Variants in RDM1 observed in about 807,000 individuals in gnomAD.
The protein encoded by RDM1 is RAD52 motif containing 1.
In RDM1, 28 loss-of-function variants were observed where a neutral mutation model predicts 27.7. The observed-to-expected ratio is 1.01, with a 90% CI of 0.75 to 1.39. The LOEUF (loss-of-function observed/expected upper bound fraction) is 1.39. RDM1 is among the 40% of genes most tolerant of loss of function. RDM1 has a pLI of 0.00. For synonymous variants in RDM1, 124 were observed against 127.5 expected, an observed-to-expected ratio of 0.97 and a Z score of 0.19; for missense variants, 277 against 337.3, an observed-to-expected ratio of 0.82 and a Z score of 1.40.
chr17:35,922,800 C>A (rs1323216774), intron 4 of RDM1, 125 bp from the exon 5 acceptor site: 1 of 712,670 alleles, frequency 1.4e-6, no homozygotes, highest in South Asian at 2.1e-5. Flanking sequence ...GCAGATGGCA[C>A]AAGCGTATGG....
At position 35,930,122 on chromosome 17, in the gene RDM1, T is replaced by A. The variant is rs145406900; in HGVS notation, c.230A>T (p.Gln77Leu). Residue 77 changes from glutamine (Q) to leucine (L), a missense_variant, in exon 2 of 7, where the codon CAA becomes CTA. Gln to Leu is a moderately radical substitution (Grantham distance 113). Coordinates refer to ENST00000620284, the MANE Select transcript of RDM1 (RefSeq NM_145654.4). ...AAGCTGCTTCCGGTCGCATGCCTTT[T>A]GGGCTCTGTGGGCAGCCCTTGCAGA... ...FYSARAAHRA[Q>L]KACDRKQLFQ... The A allele has an allele frequency of 9.3e-5, 150 of 1,614,220 alleles. No individual in the cohort carries two copies. In the African/African-American group the frequency reaches 1.8e-3, roughly 19 times the overall value.
chr17:35,929,162 G>T (rs2089245256), intron 2 of RDM1, among the ~76,000 whole-genome samples: 1 of 152,074 alleles, frequency 6.6e-6, no homozygotes, highest in Non-Finnish European at 1.5e-5. Context: ...ACTGCTTGAG[G>T]CCAGGATTTA....
chr17:35,930,758 C>T lies in RDM1; in HGVS notation c.-31G>A, dbSNP rs752069573. The stretch of plus-strand genomic sequence containing the variant: ...CTTCACCGCACCTGCGCGGCTAACC[C>T]TCGCCCCAGCATTGCGCCTGCGCAA... On this transcript the variant is annotated 5_prime_UTR_variant, in exon 1 of 7. Transcript: ENST00000620284. 1.2e-6 allele frequency: 2 copies of T among 1,605,494 alleles called. No individual in the cohort carries two copies. Among genetic ancestry groups the T allele is most frequent in the South Asian group, 1.1e-5 (1 of 90,700 alleles).
Position 35,925,559 on chromosome 17 carries a change from TCGC to T in RDM1, c.352_354del (p.Ala118del). ...CACCCATTGAAACCAAAGTAGTAAT[TCGC>T]CAGTTCTTGGCATTTGGAACTGTTC... On this transcript the variant is annotated inframe_deletion, in exon 3 of 7. Coordinates refer to ENST00000620284, the MANE Select transcript of RDM1 (RefSeq NM_145654.4). 6.2e-7 allele frequency: 1 copy of T among 1,614,066 alleles called. No individual in the cohort carries two copies. Among genetic ancestry groups the T allele is most frequent in the Non-Finnish European group, 8.5e-7 (1 of 1,180,024 alleles).
At chr17:35,922,370 G>T in intron 5 of RDM1, 1 of 593,154 alleles carries the variant, frequency 1.7e-6, no homozygotes. Flanking sequence ...TTTCACATCT[G>T]TAAACTGGGG....
Position 35,930,185 on chromosome 17 carries a change from A to G in RDM1, c.167T>C (p.Val56Ala). 6.2e-7 allele frequency: 1 copy of G among 1,614,202 alleles called. No homozygotes were observed. The highest frequency in any genetic ancestry group is 8.5e-7 in the Non-Finnish European group (1 of 1,180,034). Residue 56 changes from valine to alanine, a missense_variant, in exon 2 of 7, where the codon GTG becomes GCG. By Grantham distance (64) the Val-to-Ala change is moderately conservative (BLOSUM62 0). Coordinates refer to ENST00000620284, the MANE Select transcript of RDM1 (RefSeq NM_145654.4). ...YSVRVFPNAA[V>A]AHPGFYAVIK... is the part of the protein sequence containing the mutation. ...GACGGCATAGAAACCAGGATGGGCC[A>G]CTGCAGCATTTGGGAAGACCCGGAC... is the stretch of plus-strand genomic sequence containing the variant.
intron 3 of RDM1, among the ~76,000 whole-genome samples, chr17:35,925,126 C>T (rs2141941653): frequency 6.6e-6 from 1 of 152,162 alleles, no homozygotes. Context: ...CAGCGAGCCT[C>T]TGTCTCAAAA....
intron 2 of RDM1, among the ~76,000 whole-genome samples, chr17:35,926,130 C>CA (rs200784841): frequency 0.019 from 1,977 of 103,970 alleles, 69 homozygotes; most frequent in East Asian, 0.17. Context: ...GAGACTGTCT[C>CA]AAAAAAAAAA....
At chr17:35,926,947 G>C (rs889455300) in intron 2 of RDM1, among the ~76,000 whole-genome samples, 1 of 151,940 alleles carries the variant, frequency 6.6e-6, no homozygotes, top group South Asian at 2.1e-4. Flanking sequence ...AAGAAATAAA[G>C]ACCAGTTTTT....
At chr17:35,925,266 C>G (rs142165092) in intron 3 of RDM1, among the ~76,000 whole-genome samples, 62 of 152,304 alleles carry the variant, frequency 4.1e-4, no homozygotes, top group Middle Eastern at 3.4e-3. Flanking sequence ...AAATGAATTG[C>G]TAGATAGAGA....
Position 35,930,239 on chromosome 17 carries a change from G to A in RDM1, c.113C>T (p.Ala38Val). 2 of 1,614,168 alleles carry A rather than the reference G, an allele frequency of 1.2e-6. No individual in the cohort carries two copies. Among genetic ancestry groups the A allele is most frequent in the African/African-American group, 1.3e-5 (1 of 75,048 alleles). The change falls in exon 2 of 7, where the codon GCA becomes GTA. Residue 38 changes from alanine (A) to valine (V), a missense_variant. Transcript: ENST00000620284. The part of the protein sequence containing the change: ...AEALHHSLFT[A>V]FSQFGLLYSV... ...ATACAGAAGGCCAAACTGAGAAAAT[G>A]CTGTGAACAGAGAATGCTGTGGGGG...
At chr17:35,918,556 A>G (rs2088824524) in intron 6 of RDM1, 113 bp from the exon 7 acceptor site, 2 of 843,658 alleles carry the variant, frequency 2.4e-6, no homozygotes, top group Non-Finnish European at 3.9e-6. Context: ...ATGTTTGATA[A>G]TTCACCACTC....
At chr17:35,926,135 A>G (rs1425695660) in intron 2 of RDM1, among the ~76,000 whole-genome samples, 1 of 151,782 alleles carries the variant, frequency 6.6e-6, no homozygotes, top group Non-Finnish European at 1.5e-5. Flanking sequence ...TGTCTCAAAA[A>G]AAAAAAAAAA....
chr17:35,923,920 T>A (rs1253916351), intron 4 of RDM1, among the ~76,000 whole-genome samples: 1 of 151,792 alleles, frequency 6.6e-6, no homozygotes, highest in Non-Finnish European at 1.5e-5. Flanking sequence ...TTTATGTAAA[T>A]CTTTAGATGA....
chr17:35,929,072 C>T (rs1213456911), intron 2 of RDM1, among the ~76,000 whole-genome samples: 1 of 151,626 alleles, frequency 6.6e-6, no homozygotes, highest in Non-Finnish European at 1.5e-5. Context: ...GAGACTCCAT[C>T]TCAAAAAATA....
At chr17:35,924,501 G>T in intron 4 of RDM1, 103 bp downstream of exon 4, 1 of 1,261,540 alleles carries the variant, frequency 7.9e-7, no homozygotes, top group Non-Finnish European at 1.1e-6. Flanking sequence ...AGAGGGAGGG[G>T]CTTGATATGT....
intron 4 of RDM1, 114 bp from the exon 5 acceptor site, chr17:35,922,789 G>C (rs2088992137): frequency 1.2e-6 from 1 of 812,732 alleles, no homozygotes; most frequent in East Asian, 2.6e-5. Context: ...CATGACTAAG[G>C]GCAGATGGCA....
At position 35,922,686 on chromosome 17, in the gene RDM1, C is replaced by G. The variant is rs200274755; in HGVS notation, c.569-11G>C. ...GGAATGATAATGGTCCTAAATCCAA[C>G]CAAAACAAATGGATTTAAGGTGCCT... On this transcript the variant is annotated splice_polypyrimidine_tract_variant and intron_variant, in intron 4 of 6. Coordinates refer to ENST00000620284, the MANE Select transcript of RDM1 (RefSeq NM_145654.4). 4.0e-5 allele frequency: 63 copies of G among 1,580,278 alleles called. No individual in the cohort carries two copies. Among genetic ancestry groups the G allele is most frequent in the Non-Finnish European group, 5.3e-5 (62 of 1,166,304 alleles).
At chr17:35,924,985 T>C (rs935495691) in intron 3 of RDM1, among the ~76,000 whole-genome samples, 1 of 151,930 alleles carries the variant, frequency 6.6e-6, no homozygotes, top group Non-Finnish European at 1.5e-5. Context: ...AATACAAAAA[T>C]TAGCTGGGCG....
Sources: gnomAD v4.1 joint callset for allele counts (sites outside exome capture counted in the v4.1 genomes callset) on GRCh38, gnomAD v4.1.1 for gene constraint, MANE v1.5 for transcripts, NCBI Gene and HGNC (gene_info 2026-07-23, HGNC 2026-07-21) for gene names.